Variants in BCKDHB observed in about 807,000 individuals in gnomAD.
The protein encoded by BCKDHB is 2-oxoisovalerate dehydrogenase subunit beta, mitochondrial.
Under a neutral mutation model 48.5 loss-of-function variants are expected in BCKDHB, and 41 were observed. The observed-to-expected ratio is 0.85, with a 90% CI of 0.66 to 1.10. The LOEUF is 1.10. BCKDHB is among the 50% of genes least tolerant of loss of function. BCKDHB has a pLI of 0.00. For missense variants in BCKDHB, 496 were observed against 494.2 expected, an observed-to-expected ratio of 1.00 and a Z score of -0.03; for synonymous variants, 201 against 174.8, an observed-to-expected ratio of 1.15 and a Z score of -1.18.
At chr6:80,353,706 A>G in the BCKDHB span, among the ~76,000 whole-genome samples, 1 of 152,106 alleles carries the variant, frequency 6.6e-6, no homozygotes, top group Non-Finnish European at 1.5e-5. Flanking sequence ...TACAAAAATT[A>G]GCTGGGTGTG....
intron 9 of BCKDHB, among the ~76,000 whole-genome samples, chr6:80,333,589 TATAAGTCATTATCTTTGG>T (rs1361034733): frequency 6.6e-6 from 1 of 152,156 alleles, no homozygotes; most frequent in Non-Finnish European, 1.5e-5. Context: ...TGGGTGCTTA[TATAAGTCATTATCTTTGG>T]TGTATGACAA....
At chr6:80,438,689 A>G in the BCKDHB span, among the ~76,000 whole-genome samples, 1 of 152,190 alleles carries the variant, frequency 6.6e-6, no homozygotes, top group African/African-American at 2.4e-5. Flanking sequence ...GAGAAGTAAC[A>G]TTTTCAAAGC....
the BCKDHB span, among the ~76,000 whole-genome samples, chr6:80,419,805 C>T: frequency 6.6e-6 from 1 of 152,124 alleles, no homozygotes; most frequent in Non-Finnish European, 1.5e-5. Context: ...ATGAACGGTT[C>T]CCAGCTTTCC....
At chr6:80,450,768 C>T in the BCKDHB span, among the ~76,000 whole-genome samples, 1 of 152,044 alleles carries the variant, frequency 6.6e-6, no homozygotes, top group Non-Finnish European at 1.5e-5. Context: ...AACACACTGG[C>T]AATGAAAAAC....
At chr6:80,166,286 A>G (rs1772563633) in intron 3 of BCKDHB, among the ~76,000 whole-genome samples, 1 of 152,162 alleles carries the variant, frequency 6.6e-6, no homozygotes, top group South Asian at 2.1e-4. Context: ...TTTCATTATT[A>G]TTCAATTTAA....
intron 9 of BCKDHB, among the ~76,000 whole-genome samples, chr6:80,300,223 G>A (rs1263721370): frequency 6.6e-6 from 1 of 151,968 alleles, no homozygotes; most frequent in Non-Finnish European, 1.5e-5. Flanking sequence ...GCTAATTTTA[G>A]TTGTTTTTAG....
intron 9 of BCKDHB, among the ~76,000 whole-genome samples, chr6:80,314,345 G>A (rs1768326754): frequency 6.6e-6 from 1 of 152,200 alleles, no homozygotes; most frequent in South Asian, 2.1e-4. Context: ...GCGTTTTGGT[G>A]GAGCAGCTGT....
intron 9 of BCKDHB, among the ~76,000 whole-genome samples, chr6:80,292,157 C>T (rs911884179): frequency 1.1e-4 from 17 of 152,130 alleles, no homozygotes; most frequent in African/African-American, 4.1e-4. Flanking sequence ...AGGTATGAGG[C>T]CAGTTTTCCC....
At chr6:80,444,871 T>G in the BCKDHB span, among the ~76,000 whole-genome samples, 1 of 152,230 alleles carries the variant, frequency 6.6e-6, no homozygotes, top group African/African-American at 2.4e-5. Flanking sequence ...TTAGTGCATA[T>G]TCTTATGTTG....
chr6:80,279,244 C>T (rs369114765), intron 9 of BCKDHB, among the ~76,000 whole-genome samples: 1 of 151,926 alleles, frequency 6.6e-6, no homozygotes, highest in South Asian at 2.1e-4. Flanking sequence ...ACCTCTGCCT[C>T]CCGGGTTCAA....
chr6:80,261,485 G>A (rs1205744066), intron 8 of BCKDHB, among the ~76,000 whole-genome samples: 1 of 151,912 alleles, frequency 6.6e-6, no homozygotes, highest in Non-Finnish European at 1.5e-5. Flanking sequence ...TTGCAGCTGA[G>A]GCCAATTTAT....
chr6:80,220,176 T>C (rs1775350828), intron 8 of BCKDHB, among the ~76,000 whole-genome samples: 1 of 152,000 alleles, frequency 6.6e-6, no homozygotes, highest in African/African-American at 2.4e-5. Flanking sequence ...TCCTAGTTTT[T>C]GTCCTGTTGT....
intron 9 of BCKDHB, among the ~76,000 whole-genome samples, chr6:80,313,759 A>G (rs1768292534): frequency 6.6e-6 from 1 of 152,018 alleles, no homozygotes; most frequent in African/African-American, 2.4e-5. Flanking sequence ...TGCGTTTTTC[A>G]GTTCATCTTT....
At chr6:80,278,201 C>G (rs898323496) in intron 9 of BCKDHB, among the ~76,000 whole-genome samples, 2 of 152,150 alleles carry the variant, frequency 1.3e-5, no homozygotes, top group Non-Finnish European at 2.9e-5. Context: ...ACCAGTGATA[C>G]AAAACCTTTC....
At chr6:80,197,390 G>GT (rs144002336) in intron 6 of BCKDHB, among the ~76,000 whole-genome samples, 12,304 of 151,488 alleles carry the variant, frequency 0.081, 576 homozygotes, top group South Asian at 0.099. Flanking sequence ...TTTTCTTATT[G>GT]TAAGTATGGT....
the BCKDHB span, among the ~76,000 whole-genome samples, chr6:80,423,312 G>A: frequency 6.6e-6 from 1 of 152,122 alleles, no homozygotes; most frequent in Non-Finnish European, 1.5e-5. Context: ...AACCTGTTTT[G>A]TTCATAAATT....
intron 6 of BCKDHB, among the ~76,000 whole-genome samples, chr6:80,184,658 T>G (rs1396375776): frequency 6.6e-6 from 1 of 152,198 alleles, no homozygotes; most frequent in African/African-American, 2.4e-5. Context: ...AGCATTTGTT[T>G]ATCTGAAAAA....
At chr6:80,222,616 C>T (rs1775509070) in intron 8 of BCKDHB, among the ~76,000 whole-genome samples, 2 of 152,044 alleles carry the variant, frequency 1.3e-5, no homozygotes, top group Admixed American at 1.3e-4. Flanking sequence ...TTTAAGTCTG[C>T]CTTGGAGTTG....
chr6:80,234,762 A>C (rs1157532998), intron 8 of BCKDHB, among the ~76,000 whole-genome samples: 1 of 152,158 alleles, frequency 6.6e-6, no homozygotes, highest in Non-Finnish European at 1.5e-5. Flanking sequence ...CACAATTCAT[A>C]ATAGCCAAGA....
Sources: allele counts gnomAD v4.1 joint callset (sites outside exome capture counted in the v4.1 genomes callset), GRCh38; gene constraint gnomAD v4.1.1; transcripts MANE v1.5; gene names NCBI Gene and HGNC (gene_info 2026-07-23, HGNC 2026-07-21).